The following CPAP variants were observed in gnomAD, a reference collection of about 807,000 sequenced individuals.
CPAP encodes the protein centrosomal P4.1-associated protein.
At chr13:24,912,171 G>T in the CPAP span, 8 of 1,197,584 alleles carry the variant, frequency 6.7e-6, no homozygotes, top group Non-Finnish European at 7.3e-6. Flanking sequence ...ATCTTTCCTG[G>T]TAAGAAGTTT....
the CPAP span, chr13:24,906,418 G>A: frequency 6.2e-7 from 1 of 1,613,580 alleles, no homozygotes; most frequent in Non-Finnish European, 8.5e-7. Flanking sequence ...CCCTTATGGG[G>A]CTCTTAGCAG....
chr13:24,904,082 G>C, the CPAP span: 1 of 1,612,674 alleles, frequency 6.2e-7, no homozygotes, highest in Non-Finnish European at 8.5e-7. Flanking sequence ...CATAAATACT[G>C]AACTTCAAAA....
At chr13:24,897,533 T>C in the CPAP span, among the ~76,000 whole-genome samples, 3 of 152,156 alleles carry the variant, frequency 2.0e-5, no homozygotes, top group Non-Finnish European at 4.4e-5. Flanking sequence ...CAGCCCTTCT[T>C]GGATTCTTGT....
chr13:24,900,634 C>G, the CPAP span, among the ~76,000 whole-genome samples: 1 of 152,062 alleles, frequency 6.6e-6, no homozygotes, highest in Non-Finnish European at 1.5e-5. Context: ...AAGAGTGAAA[C>G]TCCATCTCAA....
chr13:24,903,929 A>C, the CPAP span: 2 of 1,614,106 alleles, frequency 1.2e-6, no homozygotes, highest in Non-Finnish European at 1.7e-6. Flanking sequence ...AACGTACCTG[A>C]GTTTTTCCAA....
At chr13:24,894,265 C>T in the CPAP span, among the ~76,000 whole-genome samples, 1 of 152,184 alleles carries the variant, frequency 6.6e-6, no homozygotes, top group Admixed American at 6.5e-5. Flanking sequence ...GCCACAGGGA[C>T]GGGGTAAGAG....
the CPAP span, among the ~76,000 whole-genome samples, chr13:24,901,883 G>A: frequency 6.9e-4 from 105 of 152,196 alleles, no homozygotes; most frequent in South Asian, 3.5e-3. Flanking sequence ...TCCCCGCTAC[G>A]CAGGAGGCTG....
chr13:24,907,276 T>C, the CPAP span: 2 of 1,187,584 alleles, frequency 1.7e-6, no homozygotes, highest in Admixed American at 1.9e-5. Context: ...ATAGAAACCC[T>C]TGACAACATG....
At chr13:24,888,198 T>G in the CPAP span, among the ~76,000 whole-genome samples, 10 of 151,922 alleles carry the variant, frequency 6.6e-5, no homozygotes, top group Non-Finnish European at 1.2e-4. Flanking sequence ...ATTAAAGTCA[T>G]GAAAACCAAA....
the CPAP span, among the ~76,000 whole-genome samples, chr13:24,930,903 TG>T: frequency 6.6e-6 from 1 of 152,230 alleles, no homozygotes; most frequent in Non-Finnish European, 1.5e-5. Flanking sequence ...CTTTCCACAG[TG>T]GTTGAGCTAA....
At chr13:24,912,267 A>G in the CPAP span, among the ~76,000 whole-genome samples, 1 of 152,116 alleles carries the variant, frequency 6.6e-6, no homozygotes, top group East Asian at 1.9e-4. Flanking sequence ...AACTATCTCA[A>G]CTAAGAAACC....
the CPAP span, chr13:24,906,708 C>T: frequency 6.2e-7 from 1 of 1,614,204 alleles, no homozygotes. Flanking sequence ...TTGGTTCTAG[C>T]TTTACTGTCC....
At chr13:24,906,880 A>C in the CPAP span, 1 of 1,614,194 alleles carries the variant, frequency 6.2e-7, no homozygotes, top group South Asian at 1.1e-5. Context: ...ATTTGGCATT[A>C]GTAAATCTAG....
the CPAP span, among the ~76,000 whole-genome samples, chr13:24,903,625 G>A: frequency 6.6e-6 from 1 of 152,198 alleles, no homozygotes; most frequent in Non-Finnish European, 1.5e-5. Flanking sequence ...CTTTGTTACA[G>A]CAGCCCAGAG....
chr13:24,906,790 A>C, the CPAP span: 1 of 1,614,194 alleles, frequency 6.2e-7, no homozygotes, highest in Non-Finnish European at 8.5e-7. Context: ...GTTGCTGTCT[A>C]TCCATTTTAA....
the CPAP span, among the ~76,000 whole-genome samples, chr13:24,908,650 G>C: frequency 6.6e-6 from 1 of 152,018 alleles, no homozygotes; most frequent in Non-Finnish European, 1.5e-5. Flanking sequence ...TTAATGTCAT[G>C]AGGAAAAAAG....
the CPAP span, chr13:24,907,302 C>T: frequency 1.1e-6 from 1 of 875,456 alleles, no homozygotes; most frequent in Non-Finnish European, 1.8e-6. Context: ...CTAACTTTTC[C>T]CAAAATCAGT....
the CPAP span, among the ~76,000 whole-genome samples, chr13:24,894,163 C>T: frequency 6.6e-6 from 1 of 152,122 alleles, no homozygotes; most frequent in East Asian, 1.9e-4. Flanking sequence ...AAAAAAGGCC[C>T]AGTCACATAG....
the CPAP span, among the ~76,000 whole-genome samples, chr13:24,907,522 TAAGA>T: frequency 2.0e-5 from 3 of 152,212 alleles, no homozygotes; most frequent in African/African-American, 7.2e-5. Flanking sequence ...TTTTTTTAAT[TAAGA>T]AAGGCCCTTA....
Sources: gnomAD v4.1 joint callset for allele counts (sites outside exome capture counted in the v4.1 genomes callset) on GRCh38, gnomAD v4.1.1 for gene constraint, MANE v1.5 for transcripts, NCBI Gene and HGNC (gene_info 2026-07-23, HGNC 2026-07-21) for gene names.